C11orf58: variants seen among roughly 807,000 people sequenced by gnomAD.
C11orf58 encodes chromosome 11 open reading frame 58.
In C11orf58, 5 loss-of-function variants were observed where a neutral mutation model predicts 22.7. The ratio of observed to expected loss-of-function variants is 0.22; its 90% CI spans 0.12 to 0.46. The LOEUF (loss-of-function observed/expected upper bound fraction) is 0.46, where lower values mean the gene tolerates loss of function less well. Among genes scored for constraint, C11orf58 ranks in the 20% least tolerant of loss-of-function variants. The pLI is 0.99. For missense variants in C11orf58, 151 were observed against 223.3 expected (o/e 0.68, Z 2.06); for synonymous variants, 71 against 70.7 (o/e 1.00, Z -0.02).
chr11:16,739,106 C>T (rs1213581221), intron 1 of C11orf58, among the ~76,000 whole-genome samples: 2 of 152,030 alleles, frequency 1.3e-5, no homozygotes, highest in Non-Finnish European at 2.9e-5. Flanking sequence ...AGTGAAAGAG[C>T]TTAGTCAAGG....
In C11orf58 at chr11:16,756,677, G is replaced by A. The variant is rs1177528160; in HGVS notation, c.*1573G>A. 1 of 151,826 alleles carries A rather than the reference G, an allele frequency of 6.6e-6. No individual in the cohort carries two copies. The highest frequency in any genetic ancestry group is 1.5e-5 in the Non-Finnish European group (1 of 67,968). The allele number at this position is 151,826 out of a possible 1,614,324, so 9.4% of individuals were successfully genotyped here. On this transcript the variant is annotated 3_prime_UTR_variant, in exon 5 of 5. Coordinates refer to ENST00000228136, the MANE Select transcript of C11orf58 (RefSeq NM_014267.6). The stretch of plus-strand genomic sequence containing the variant: ...TAATCCCAGCACTTTGGGAGGCCGA[G>A]GTGGCTGGATCACCTGAAGTCAGGA...
At chr11:16,748,573 TAAAAAAAAA>T (rs10690437) in intron 3 of C11orf58, 1 of 107,346 alleles carries the variant, frequency 9.3e-6, no homozygotes, top group African/African-American at 3.7e-5. Flanking sequence ...GTGTCTCTAC[TAAAAAAAAA>T]AAAAAAAAAA....
chr11:16,740,738 A>AT (rs1028810175), intron 1 of C11orf58, among the ~76,000 whole-genome samples: 9 of 149,472 alleles, frequency 6.0e-5, no homozygotes, highest in African/African-American at 7.4e-5. Context: ...TAAAAAAAAA[A>AT]TTTTTTTAAC....
intron 1 of C11orf58, among the ~76,000 whole-genome samples, chr11:16,742,921 G>A (rs1332671379): frequency 1.3e-5 from 2 of 152,010 alleles, no homozygotes. Context: ...AGCCAGCCCT[G>A]TGGAACCTGA....
At chr11:16,739,249 G>T (rs10766342) in intron 1 of C11orf58, among the ~76,000 whole-genome samples, 2 of 151,944 alleles carry the variant, frequency 1.3e-5, no homozygotes, top group African/African-American at 4.8e-5. Flanking sequence ...GTTCGTGCAC[G>T]TTTGTACAGA....
At chr11:16,743,495 T>C (rs1038551247) in intron 1 of C11orf58, among the ~76,000 whole-genome samples, 7 of 152,242 alleles carry the variant, frequency 4.6e-5, no homozygotes, top group Non-Finnish European at 7.3e-5. Context: ...ATTTTTGCAG[T>C]TAATTTTATC....
intron 4 of C11orf58, among the ~76,000 whole-genome samples, chr11:16,754,549 T>C (rs1282180292): frequency 2.1e-4 from 6 of 28,784 alleles, no homozygotes; most frequent in Admixed American, 1.7e-3. Context: ...CTCTCTCCCT[T>C]TTTTTTTTTT....
intron 2 of C11orf58, chr11:16,747,120 C>A (rs1848493746): frequency 6.6e-6 from 1 of 152,194 alleles, no homozygotes; most frequent in Non-Finnish European, 1.5e-5. Context: ...CTGTCATCAT[C>A]CTGGAATAAC....
chr11:16,750,498 T>C (rs1210026726), intron 3 of C11orf58: 1 of 152,258 alleles, frequency 6.6e-6, no homozygotes, highest in African/African-American at 2.4e-5. Flanking sequence ...TGTTGTGAAC[T>C]CTTAGGAGAG....
At position 16,738,914 on chromosome 11, in the gene C11orf58, G is replaced by A. The variant is rs1848419487; in HGVS notation, c.63+73G>A. The stretch of plus-strand genomic sequence containing the variant: ...TGGAGTAGGCCGGGAAGGGTGGTTG[G>A]AGGAGGACGCGCCTGAGGTGGCCTG... On this transcript the variant is annotated intron_variant, in intron 1 of 4. Transcript: ENST00000228136. 2.8e-5 allele frequency: 44 copies of A among 1,562,442 alleles called. 1 individual carries two copies. The South Asian group carries it at 4.8e-4, about 17-fold the overall frequency.
Position 16,752,768 on chromosome 11 carries a change from G to C in C11orf58, c.209-17G>C, listed in dbSNP as rs752970274. ...TTAATTTGACTGAAACATAACTAAA[G>C]TATCCTGGACATGCAGGGGAAGAAG... On this transcript the variant is annotated splice_polypyrimidine_tract_variant and intron_variant, in intron 3 of 4. Transcript: ENST00000228136. 1 of 1,543,586 alleles carries C rather than the reference G, an allele frequency of 6.5e-7. No individual in the cohort carries two copies. Among genetic ancestry groups the C allele is most frequent in the East Asian group, 2.3e-5 (1 of 44,236 alleles).
intron 1 of C11orf58, among the ~76,000 whole-genome samples, chr11:16,740,272 A>C (rs1848435611): frequency 6.6e-6 from 1 of 152,226 alleles, no homozygotes; most frequent in Non-Finnish European, 1.5e-5. Context: ...ACTCCAGGTG[A>C]TATGAAATTT....
Position 16,757,699 on chromosome 11 carries a change from A to ATGACT in C11orf58, c.*2597_*2601dup, listed in dbSNP as rs1242119762. Among the ~76,000 whole-genome samples, 2 of 152,236 alleles carry ATGACT rather than the reference A, an allele frequency of 1.3e-5. No homozygotes were observed. Among genetic ancestry groups the ATGACT allele is most frequent in the Non-Finnish European group, 2.9e-5 (2 of 68,036 alleles). On this transcript the variant is annotated 3_prime_UTR_variant, in exon 5 of 5. Transcript: ENST00000228136. Reference sequence around the variant, plus strand: ...TAGTGGCAACTTTTCCATATCATTCATGACTTAATACCTGAAATGCACTTT... The same window carrying ATGACT: ...TAGTGGCAACTTTTCCATATCATTCATGACTTGACTTAATACCTGAAATGCACTTT...
At position 16,748,087 on chromosome 11, in the gene C11orf58, C is replaced by A; in HGVS notation, c.148-10C>A. ...TCTCAAATGCTAATACATTTTCAAC[C>A]TTCTTATAGAAAGAACATACTGGTC... On this transcript the variant is annotated splice_polypyrimidine_tract_variant and intron_variant, in intron 2 of 4. Coordinates refer to ENST00000228136, the MANE Select transcript of C11orf58 (RefSeq NM_014267.6). 2 of 1,607,394 alleles carry A rather than the reference C, an allele frequency of 1.2e-6. No individual in the cohort carries two copies. Among genetic ancestry groups the A allele is most frequent in the Non-Finnish European group, 8.5e-7 (1 of 1,174,336 alleles).
rs2134064944 is a variant in C11orf58 at position 16,738,686 on chromosome 11, T to C, written c.-93T>C. On this transcript the variant is annotated 5_prime_UTR_variant, in exon 1 of 5. Coordinates refer to ENST00000228136, the MANE Select transcript of C11orf58 (RefSeq NM_014267.6). Reference sequence around the variant, plus strand: ...GGGGCTCTGCGTTCTGTAGTGGCGCTGCTTGGGCCCTTGGCGGATTGTAAG... The same window carrying C: ...GGGGCTCTGCGTTCTGTAGTGGCGCCGCTTGGGCCCTTGGCGGATTGTAAG... 1 of 1,409,214 alleles carries C rather than the reference T, an allele frequency of 7.1e-7. No individual in the cohort carries two copies. Among genetic ancestry groups the C allele is most frequent in the Non-Finnish European group, 1.0e-6 (1 of 996,612 alleles). The allele number at this position is 1,409,214 out of a possible 1,614,324, so 87.3% of individuals were successfully genotyped here.
chr11:16,750,206 CT>C (rs1361274641), intron 3 of C11orf58: 4 of 152,210 alleles, frequency 2.6e-5, no homozygotes, highest in African/African-American at 9.6e-5. Context: ...TCCAAACCTG[CT>C]TTGTCTAATA....
chr11:16,748,233 T>A, intron 3 of C11orf58, 76 bp downstream of exon 3: 1 of 1,275,560 alleles, frequency 7.8e-7, no homozygotes, highest in Non-Finnish European at 1.1e-6. Flanking sequence ...TTCAGGATAT[T>A]CTACTTTGGC....
At chr11:16,743,816 T>TA (rs140623899) in intron 1 of C11orf58, among the ~76,000 whole-genome samples, 1 of 152,116 alleles carries the variant, frequency 6.6e-6, no homozygotes, top group Non-Finnish European at 1.5e-5. Context: ...TAAAAACTAT[T>TA]AAAAAACAAC....
intron 2 of C11orf58, chr11:16,747,262 C>T (rs373918612): frequency 6.6e-6 from 1 of 152,106 alleles, no homozygotes; most frequent in South Asian, 2.1e-4. Flanking sequence ...TGAAGTTTTT[C>T]GGTAGTATCA....
Sources: gnomAD v4.1 joint callset for allele counts (sites outside exome capture counted in the v4.1 genomes callset) on GRCh38, gnomAD v4.1.1 for gene constraint, MANE v1.5 for transcripts, NCBI Gene and HGNC (gene_info 2026-07-23, HGNC 2026-07-21) for gene names.